BICD1: variants seen among roughly 807,000 people sequenced by gnomAD.
BICD1 encodes the protein BICD cargo adaptor 1, also known as protein bicaudal D homolog 1.
Under a neutral mutation model 92.5 loss-of-function variants are expected in BICD1, and 35 were observed. The ratio of observed to expected loss-of-function variants is 0.38; its 90% CI spans 0.29 to 0.50. BICD1 has a LOEUF of 0.50. BICD1 is among the 20% of genes least tolerant of loss of function. BICD1 has a pLI of 0.93. For synonymous variants in BICD1, 429 were observed against 465.1 expected, an observed-to-expected ratio of 0.92 and a Z score of 1.00; for missense variants, 950 against 1,189.8, an observed-to-expected ratio of 0.80 and a Z score of 2.97.
intron 2 of BICD1, among the ~76,000 whole-genome samples, chr12:32,273,871 GCCCTC>G (rs1358349059): frequency 2.6e-5 from 4 of 152,182 alleles, no homozygotes; most frequent in Non-Finnish European, 5.9e-5. Context: ...TTGCCAACAG[GCCCTC>G]CACCTCACAG....
chr12:32,268,415 G>A (rs537305860), intron 2 of BICD1, among the ~76,000 whole-genome samples: 32 of 152,114 alleles, frequency 2.1e-4, no homozygotes, highest in Non-Finnish European at 2.8e-4. Flanking sequence ...ACTGCCCATC[G>A]TAAAAAAGAA....
intron 1 of BICD1, among the ~76,000 whole-genome samples, chr12:32,192,637 A>T (rs565567482): frequency 6.6e-6 from 1 of 152,176 alleles, no homozygotes; most frequent in South Asian, 2.1e-4. Flanking sequence ...CTATGGAAGG[A>T]GAGTTTGGTA....
chr12:32,321,959 A>G (rs961398530), intron 4 of BICD1, among the ~76,000 whole-genome samples: 2 of 152,172 alleles, frequency 1.3e-5, no homozygotes, highest in East Asian at 1.9e-4. Context: ...AGATCACACC[A>G]TTGCACTCCA....
intron 8 of BICD1, among the ~76,000 whole-genome samples, chr12:32,362,526 C>T (rs1441069089): frequency 6.6e-6 from 1 of 152,126 alleles, no homozygotes; most frequent in Non-Finnish European, 1.5e-5. Flanking sequence ...CATTCCTGTA[C>T]CCTTCATTTT....
intron 4 of BICD1, among the ~76,000 whole-genome samples, chr12:32,322,752 C>G (rs937132560): frequency 6.6e-6 from 1 of 152,208 alleles, no homozygotes; most frequent in African/African-American, 2.4e-5. Context: ...TATATTAAAT[C>G]TCAACTGTCA....
chr12:32,338,706 G>T, intron 7 of BICD1, 80 bp from the exon 8 acceptor site: 2 of 1,123,190 alleles, frequency 1.8e-6, no homozygotes, highest in Non-Finnish European at 2.5e-6. Flanking sequence ...AAATAATGTT[G>T]TCACTGGTGA....
Position 32,380,314 on chromosome 12 carries a change from A to G in BICD1, c.*2687A>G, listed in dbSNP as rs1198530231. ...CTGTAAAGATAACATCAGGAATTCA[A>G]AAGGAAATTGAAAAGGGGCAGAACT... On this transcript the variant is annotated 3_prime_UTR_variant, in exon 10 of 10. Coordinates refer to ENST00000652176, the MANE Select transcript of BICD1 (RefSeq NM_001714.4). 6.6e-6 allele frequency: 1 copy of G among 152,188 alleles called. No homozygotes were observed. Among genetic ancestry groups the G allele is most frequent in the African/African-American group, 2.4e-5 (1 of 41,452 alleles). 9.4% of individuals were successfully genotyped at this position (152,188 alleles called of 1,614,324 possible).
chr12:32,378,376 A>T lies in BICD1; in HGVS notation c.*749A>T, dbSNP rs533903765. 7.2e-5 allele frequency: 11 copies of T among 152,362 alleles called. No individual in the cohort carries two copies. In the South Asian group the frequency reaches 2.3e-3, roughly 32 times the overall value. The allele number at this position is 152,362 out of a possible 1,614,324, so 9.4% of individuals were successfully genotyped here. ...TGGACATTACTAAGTAAATCTAAGA[A>T]AGAGACTAAGTTATGATTTATTGAC... On this transcript the variant is annotated 3_prime_UTR_variant, in exon 10 of 10. Coordinates refer to ENST00000652176, the MANE Select transcript of BICD1 (RefSeq NM_001714.4).
chr12:32,305,677 C>T lies in BICD1; in HGVS notation c.580-20C>T, dbSNP rs376160914. 6.3e-7 allele frequency: 1 copy of T among 1,580,634 alleles called. No individual in the cohort carries two copies. Among genetic ancestry groups the T allele is most frequent in the Non-Finnish European group, 8.6e-7 (1 of 1,165,430 alleles). On this transcript the variant is annotated intron_variant, in intron 3 of 9. Transcript: ENST00000652176. ...TCCACATTTTAGTTTTATGAATCTT[C>T]TTTATCCTGTCTGATTCAGGTTGAA...
At chr12:32,108,895 A>G (rs972239175) in intron 1 of BICD1, 3 of 476,290 alleles carry the variant, frequency 6.3e-6, no homozygotes, top group Non-Finnish European at 1.1e-5. Context: ...ACTTGTTTAT[A>G]TTTTCCAACT....
At chr12:32,288,223 ATTTTTTTTTTTTT>A (rs34913740) in intron 2 of BICD1, among the ~76,000 whole-genome samples, 2 of 109,522 alleles carry the variant, frequency 1.8e-5, no homozygotes, top group African/African-American at 7.4e-5. Flanking sequence ...CCAAGTCCTA[ATTTTTTTTTTTTT>A]TTTTTTTTTT....
At chr12:32,269,306 A>G (rs1481325019) in intron 2 of BICD1, among the ~76,000 whole-genome samples, 1 of 152,238 alleles carries the variant, frequency 6.6e-6, no homozygotes, top group African/African-American at 2.4e-5. Context: ...AGTGATTTTT[A>G]TTAAAGTAAT....
intron 2 of BICD1, among the ~76,000 whole-genome samples, chr12:32,220,463 C>T (rs931673851): frequency 8.9e-4 from 135 of 152,260 alleles, no homozygotes; most frequent in Non-Finnish European, 1.7e-3. Context: ...CAGAAGAAGA[C>T]ATTTATGCAG....
At position 32,334,503 on chromosome 12, in the gene BICD1, T is replaced by C; in HGVS notation, c.2101-13T>C. Reference sequence around the variant, plus strand: ...GATATGAAAATTGTAAGCAGTGTGATTTTCTGCTTTAGACAGCTGAGGTGG... The same window carrying C: ...GATATGAAAATTGTAAGCAGTGTGACTTTCTGCTTTAGACAGCTGAGGTGG... On this transcript the variant is annotated splice_polypyrimidine_tract_variant and intron_variant, in intron 5 of 9. Coordinates refer to ENST00000652176, the MANE Select transcript of BICD1 (RefSeq NM_001714.4). 1.3e-6 allele frequency: 2 copies of C among 1,596,638 alleles called. No individual in the cohort carries two copies. The highest frequency in any genetic ancestry group is 1.1e-5 in the South Asian group (1 of 88,236).
chr12:32,305,879 G>A lies in BICD1; in HGVS notation c.762G>A (p.Gln254=). ...ACAACCTGCGGAAGGAGCTCTCCCAGTATATCAGCCTCAATGATAACCATA... is the reference window on the plus strand; with the variant it reads ...ACAACCTGCGGAAGGAGCTCTCCCAATATATCAGCCTCAATGATAACCATA... ...QKNNLRKELS[Q]YISLNDNHIS... is the part of the protein sequence containing the mutation. Residue 254 remains glutamine (Q), a synonymous_variant, in exon 4 of 10, where the codon CAG becomes CAA. Coordinates refer to ENST00000652176, the MANE Select transcript of BICD1 (RefSeq NM_001714.4). 1 of 1,614,202 alleles carries A rather than the reference G, an allele frequency of 6.2e-7. No homozygotes were observed. The highest frequency in any genetic ancestry group is 2.2e-5 in the East Asian group (1 of 44,882).
In BICD1 at chr12:32,334,660, G is replaced by A; in HGVS notation, c.2245G>A (p.Ala749Thr). The A allele has an allele frequency of 1.2e-6, 2 of 1,609,236 alleles. No individual in the cohort carries two copies. The highest frequency in any genetic ancestry group is 1.7e-6 in the Non-Finnish European group (2 of 1,178,414). The part of the protein sequence containing the change: ...ATFSSLRAMF[A>T]TRCDEYVTQL... ...CTTCTCATCCCTGAGAGCAATGTTT[G>A]CAACAAGGTAACAGTATTTTCTTCC... The change falls in exon 6 of 10, where the codon GCA becomes ACA. Residue 749 changes from alanine (A) to threonine (T), a missense_variant. Ala to Thr is a moderately conservative substitution (Grantham distance 58, BLOSUM62 0). Coordinates refer to ENST00000652176, the MANE Select transcript of BICD1 (RefSeq NM_001714.4).
chr12:32,192,880 G>A (rs1401734521), intron 1 of BICD1, among the ~76,000 whole-genome samples: 1 of 152,222 alleles, frequency 6.6e-6, no homozygotes, highest in Non-Finnish European at 1.5e-5. Flanking sequence ...GCCTGAAGAT[G>A]TGACTGAATT....
intron 5 of BICD1, chr12:32,332,994 CAA>C: frequency 4.1e-6 from 4 of 985,372 alleles, no homozygotes; most frequent in Non-Finnish European, 4.8e-6. Context: ...AATGGACAAA[CAA>C]ATCTACAAAC....
intron 1 of BICD1, among the ~76,000 whole-genome samples, chr12:32,142,453 C>CCTATCTATCTATCCTATGTATCTAT (rs772125865): frequency 8.9e-6 from 1 of 112,882 alleles, no homozygotes; most frequent in African/African-American, 3.7e-5. Context: ...ACCTATCTAT[C>CCTATCTATCTATCCTATGTATCTAT]CTATCTATCT....
Sources: gnomAD v4.1 joint callset for allele counts (sites outside exome capture counted in the v4.1 genomes callset) on GRCh38, gnomAD v4.1.1 for gene constraint, MANE v1.5 for transcripts, NCBI Gene and HGNC (gene_info 2026-07-23, HGNC 2026-07-21) for gene names.